CATSPERE: variants seen among roughly 807,000 people sequenced by gnomAD.
CATSPERE encodes the protein catsper channel auxiliary subunit epsilon.
A neutral mutation model predicts 114.1 loss-of-function variants in CATSPERE; 93 were observed. The observed-to-expected ratio is 0.81, with a 90% CI of 0.69 to 0.97. The LOEUF is 0.97. Among genes scored for constraint, CATSPERE ranks in the 50% least tolerant of loss-of-function variants. CATSPERE has a pLI of 0.00. For synonymous variants in CATSPERE, 341 were observed against 384.1 expected (o/e 0.89, Z 1.31); for missense variants, 1,058 against 1,131.6 (o/e 0.93, Z 0.93).
chr1:244,541,391 A>G (rs1366227040), intron 8 of CATSPERE, among the ~76,000 whole-genome samples: 1 of 150,318 alleles, frequency 6.7e-6, no homozygotes, highest in African/African-American at 2.4e-5. Context: ...ATGCAGCCAA[A>G]AAACACATGA....
At chr1:244,510,835 C>CTTTTTTTTTTTTTTTTTT (rs747921082) in intron 7 of CATSPERE, among the ~76,000 whole-genome samples, 12 of 48,324 alleles carry the variant, frequency 2.5e-4, no homozygotes, top group Admixed American at 6.5e-4. Flanking sequence ...TTTTCTTTTT[C>CTTTTTTTTTTTTTTTTTT]TTTTTTTTTT....
upstream of CATSPERE, among the ~76,000 whole-genome samples, chr1:244,459,757 A>G (rs566763140): frequency 6.6e-5 from 10 of 152,346 alleles, no homozygotes; most frequent in African/African-American, 2.2e-4. Flanking sequence ...ACTAGGACTC[A>G]TTATTTACCT....
rs891719409 is a variant in CATSPERE at position 244,633,654 on chromosome 1, C to T, written c.2649-1835C>T. On this transcript the variant is annotated intron_variant, in intron 20 of 21. Transcript: ENST00000366534. The surrounding 1 kb of genome is among the most constrained non-coding windows in gnomAD (Gnocchi z 4.1). The stretch of plus-strand genomic sequence containing the variant: ...CACACACACACACACGCACACAAAA[C>T]CCCCACTACTTTCCTCTACATGCAC... Among the ~76,000 whole-genome samples the T allele has an allele frequency of 1.3e-5, 2 of 151,858 alleles. No individual in the cohort carries two copies. Among genetic ancestry groups the T allele is most frequent in the African/African-American group, 4.8e-5 (2 of 41,340 alleles).
chr1:244,613,580 A>G lies in CATSPERE; in HGVS notation c.2490+3254A>G, dbSNP rs147726187. 6.9e-3 allele frequency among the ~76,000 whole-genome samples: 1,045 copies of G among 152,322 alleles called. 4 individuals are homozygous for G. The highest frequency in any genetic ancestry group is 0.034 in the Middle Eastern group (10 of 294). ...AAGGGAAATAGAGGAATTTTCAGTG[A>G]GAAGGCAATATTCAACCTTTATCCC... On this transcript the variant is annotated intron_variant, in intron 19 of 21. Coordinates refer to ENST00000366534, the MANE Select transcript of CATSPERE (RefSeq NM_001130957.2).
intron 2 of CATSPERE, among the ~76,000 whole-genome samples, chr1:244,466,863 C>G (rs972353137): frequency 5.9e-5 from 9 of 152,150 alleles, no homozygotes; most frequent in Non-Finnish European, 1.2e-4. Flanking sequence ...GAGGCCTTCC[C>G]CAAAACCACC....
Position 244,474,033 on chromosome 1 carries a change from G to T in CATSPERE, c.115-3508G>T, listed in dbSNP as rs199527279. On this transcript the variant is annotated intron_variant, in intron 2 of 21. Transcript: ENST00000366534. Reference sequence around the variant, plus strand: ...ACTGCCTGGTTTCTTTCTTTTTTTTGCTTTTTTTTTGTTTTTGAGATGGAG... The same window carrying T: ...ACTGCCTGGTTTCTTTCTTTTTTTTTCTTTTTTTTTGTTTTTGAGATGGAG... 1.7e-4 allele frequency among the ~76,000 whole-genome samples: 25 copies of T among 149,754 alleles called. No homozygotes were observed. The East Asian group carries it at 4.9e-3, about 29-fold the overall frequency.
At chr1:244,538,322 A>G (rs1680682913) in intron 8 of CATSPERE, among the ~76,000 whole-genome samples, 1 of 152,230 alleles carries the variant, frequency 6.6e-6, no homozygotes, top group East Asian at 1.9e-4. Context: ...TTTTAAGGTT[A>G]CAAACCTATA....
At chr1:244,564,038 G>C (rs1047271726) in intron 10 of CATSPERE, among the ~76,000 whole-genome samples, 2 of 152,090 alleles carry the variant, frequency 1.3e-5, no homozygotes, top group African/African-American at 4.8e-5. Flanking sequence ...TTTTTGTCAG[G>C]TTTGTCAAAG....
At chr1:244,631,785 A>G (rs193258490) in intron 20 of CATSPERE, among the ~76,000 whole-genome samples, 1 of 152,370 alleles carries the variant, frequency 6.6e-6, no homozygotes, top group Admixed American at 6.5e-5. Flanking sequence ...CAAAATCCAG[A>G]ACACTGACAA....
intron 2 of CATSPERE, among the ~76,000 whole-genome samples, chr1:244,467,095 A>G (rs1050035550): frequency 2.0e-5 from 3 of 152,226 alleles, no homozygotes; most frequent in Admixed American, 1.3e-4. Flanking sequence ...ACTGTGTGGT[A>G]TCACTCGTAA....
Position 244,493,238 on chromosome 1 carries a change from G to C in CATSPERE, c.351+2767G>C, listed in dbSNP as rs962193663. The stretch of plus-strand genomic sequence containing the variant: ...CAGTAACCAAAACAGCATGGTACTG[G>C]TACCAAAACAGAGATATAGATCAAT... On this transcript the variant is annotated intron_variant, in intron 6 of 21. Transcript: ENST00000366534. Among the ~76,000 whole-genome samples the C allele has an allele frequency of 3.9e-5, 6 of 152,152 alleles. No homozygotes were observed. In the East Asian group the frequency reaches 7.7e-4, roughly 20 times the overall value.
chr1:244,454,659 C>G (rs1340593288), intron 1 of CATSPERE: 1 of 151,570 alleles, frequency 6.6e-6, no homozygotes, highest in African/African-American at 2.4e-5. Flanking sequence ...CTCTCTCTTT[C>G]TCAGTAAATA....
At chr1:244,516,620 C>CTAGACTAGCCCTCATCATCTGATTTTTT (rs1558410328) in intron 7 of CATSPERE, among the ~76,000 whole-genome samples, 7 of 150,732 alleles carry the variant, frequency 4.6e-5, no homozygotes, top group African/African-American at 1.5e-4. Flanking sequence ...CTCCTGAGTT[C>CTAGACTAGCCCTCATCATCTGATTTTTT]AAGTGATTCT....
chr1:244,560,254 G>A lies in CATSPERE; in HGVS notation c.1030-414G>A, dbSNP rs141219257. Among the ~76,000 whole-genome samples, 1,057 of 152,204 alleles carry A rather than the reference G, an allele frequency of 6.9e-3. 16 individuals carry two copies. The highest frequency in any genetic ancestry group is 0.024 in the African/African-American group (987 of 41,510). Reference sequence around the variant, plus strand: ...GATTCTCCTGCCTCAGCCTCCCAAAGTGCAGGGATTATAGGCATGAAACCA... The same window carrying A: ...GATTCTCCTGCCTCAGCCTCCCAAAATGCAGGGATTATAGGCATGAAACCA... On this transcript the variant is annotated intron_variant, in intron 9 of 21. Coordinates refer to ENST00000366534, the MANE Select transcript of CATSPERE (RefSeq NM_001130957.2).
At chr1:244,510,689 A>G (rs2148327534) in intron 7 of CATSPERE, among the ~76,000 whole-genome samples, 1 of 152,194 alleles carries the variant, frequency 6.6e-6, no homozygotes, top group African/African-American at 2.4e-5. Flanking sequence ...AGTTCTGTCC[A>G]ATGCTGAGAG....
Position 244,508,425 on chromosome 1 carries a change from C to T in CATSPERE, c.429+9346C>T, listed in dbSNP as rs374700661. Among the ~76,000 whole-genome samples the T allele has an allele frequency of 2.2e-4, 33 of 151,138 alleles. 1 individual carries two copies. Among genetic ancestry groups the T allele is most frequent in the African/African-American group, 5.8e-4 (24 of 41,164 alleles). ...ACACCATTCTCCTGCCTCAGCCTCT[C>T]GATTAGCTGGGACTATAGGCACCCG... is the stretch of plus-strand genomic sequence containing the variant. On this transcript the variant is annotated intron_variant, in intron 7 of 21. Transcript: ENST00000366534.
chr1:244,480,373 G>A (rs964583696), intron 5 of CATSPERE, among the ~76,000 whole-genome samples: 3 of 152,142 alleles, frequency 2.0e-5, no homozygotes, highest in Non-Finnish European at 2.9e-5. Context: ...CCCAGGCACC[G>A]TGTAGGACAT....
At chr1:244,583,986 A>G in intron 13 of CATSPERE, 47 bp downstream of exon 13, 1 of 1,531,802 alleles carries the variant, frequency 6.5e-7, no homozygotes, top group Non-Finnish European at 9.0e-7. Flanking sequence ...TCAAGAATGT[A>G]TAGGCGGTCA....
At position 244,499,067 on chromosome 1, in the gene CATSPERE, A is replaced by G; in HGVS notation, c.417A>G (p.Glu139=). 6.2e-7 allele frequency: 1 copy of G among 1,609,582 alleles called. No individual in the cohort carries two copies. Among genetic ancestry groups the G allele is most frequent in the South Asian group, 1.1e-5 (1 of 90,948 alleles). Residue 139 remains glutamate (E), a synonymous_variant, in exon 7 of 22, where the codon GAA becomes GAG. Transcript: ENST00000366534. The part of the protein sequence containing the change: ...ADPDELLGNA[E]EPSINSIVLS... The stretch of plus-strand genomic sequence containing the variant: ...CTGATGAGTTGCTGGGGAATGCAGA[A>G]GAACCTTCAATAGTAGGTGGAAACA...
Sources: gnomAD v4.1 joint callset for allele counts (sites outside exome capture counted in the v4.1 genomes callset) on GRCh38, gnomAD v4.1.1 for gene constraint, Gnocchi (gnomAD v3.1) non-coding constraint, MANE v1.5 for transcripts, NCBI Gene and HGNC (gene_info 2026-07-23, HGNC 2026-07-21) for gene names.